JMY: variants seen among roughly 807,000 people sequenced by gnomAD.
JMY encodes the protein junction mediating and regulatory protein, p53 cofactor.
JMY carries 46 observed loss-of-function variants against 103.3 expected under a neutral mutation model. The observed-to-expected ratio is 0.45, with a 90% CI of 0.35 to 0.57. The LOEUF is 0.57. JMY is among the 20% of genes least tolerant of loss of function. JMY has a pLI of 0.00. For missense variants in JMY, 1,238 were observed against 1,255.2 expected (o/e 0.99, Z 0.21); for synonymous variants, 526 against 489.3 (o/e 1.07, Z -0.99).
Position 79,278,086 on chromosome 5 carries a change from AT to A in JMY, c.1206+10del. 2 of 1,604,324 alleles carry A rather than the reference AT, an allele frequency of 1.2e-6. No homozygotes were observed. Among genetic ancestry groups the A allele is most frequent in the Non-Finnish European group, 1.7e-6 (2 of 1,174,254 alleles). The stretch of plus-strand genomic sequence containing the variant: ...TGCTACGAAGACAGCAGATCAAGGT[AT>A]TTTTTTATTAATCCTAACTAGTAGC... On this transcript the variant is annotated splice_donor_region_variant and intron_variant, in intron 2 of 10. Transcript: ENST00000396137.
rs181524606 is a variant in JMY, at chr5:79,241,012, T to G, written c.1032+3330T>G. The stretch of plus-strand genomic sequence containing the variant: ...GGATATGTTAGAATGCTTAGTCCTT[T>G]GGTCACTTACAATACTTAGTCCTTT... On this transcript the variant is annotated intron_variant, in intron 1 of 10. Transcript: ENST00000396137. 1.9e-4 allele frequency among the ~76,000 whole-genome samples: 29 copies of G among 152,364 alleles called. No individual in the cohort carries two copies. The East Asian group carries it at 5.4e-3, about 28-fold the overall frequency.
intron 1 of JMY, among the ~76,000 whole-genome samples, chr5:79,240,156 T>C (rs1174196656): frequency 6.6e-6 from 1 of 150,750 alleles, no homozygotes; most frequent in Non-Finnish European, 1.5e-5. Context: ...GCTGGGATTA[T>C]AGGCGTGTGC....
rs750070238 is a variant in JMY, at chr5:79,316,103, T to C, written c.2763T>C (p.Asp921=). Residue 921 remains aspartate (D), a synonymous_variant, in exon 10 of 11, where the codon GAT becomes GAC. Transcript: ENST00000396137. ...TGCCTCCTTTTCCTGATGAAGATGA[T>C]AGTAATAATATCTTGGCACAAATAA... ...RTLPPFPDED[D]SNNILAQIRK... is the part of the protein sequence containing the mutation. 1 of 1,614,078 alleles carries C rather than the reference T, an allele frequency of 6.2e-7. No individual in the cohort carries two copies. The highest frequency in any genetic ancestry group is 8.5e-7 in the Non-Finnish European group (1 of 1,179,916).
In JMY at chr5:79,236,526, G is replaced by A. The variant is rs887938725; in HGVS notation, c.-125G>A. The stretch of plus-strand genomic sequence containing the variant: ...ACAGGCGAACGAGCCGGGAGAGCCG[G>A]CCGGCGCACTAAGATGGCTGAAGGC... On this transcript the variant is annotated 5_prime_UTR_variant, in exon 1 of 11. Coordinates refer to ENST00000396137, the MANE Select transcript of JMY (RefSeq NM_152405.5). 8.9e-6 allele frequency: 6 copies of A among 673,076 alleles called. No individual in the cohort carries two copies. Among genetic ancestry groups the A allele is most frequent in the Non-Finnish European group, 1.1e-5 (5 of 461,488 alleles). 41.7% of individuals were successfully genotyped at this position (673,076 alleles called of 1,614,324 possible). A position where few individuals can be genotyped will look rare whatever the true frequency, so the allele number is the denominator to read the frequency against.
rs148966628 is a variant in JMY at position 79,314,181 on chromosome 5, G to A, written c.2065-76G>A. On this transcript the variant is annotated intron_variant, in intron 8 of 10. Coordinates refer to ENST00000396137, the MANE Select transcript of JMY (RefSeq NM_152405.5). ...GCCACATAACATCTTTTATTTGAAGGAGAAAATAAATAGGCATGTGCTCAT... is the reference window on the plus strand; with the variant it reads ...GCCACATAACATCTTTTATTTGAAGAAGAAAATAAATAGGCATGTGCTCAT... 905 of 1,523,856 alleles carry A rather than the reference G, an allele frequency of 5.9e-4. 4 individuals are homozygous for A. Among genetic ancestry groups the A allele is most frequent in the African/African-American group, 5.9e-3 (423 of 71,948 alleles). The allele number at this position is 1,523,856 out of a possible 1,614,324, so 94.4% of individuals were successfully genotyped here. A position where few individuals can be genotyped will look rare whatever the true frequency, so the allele number is the denominator to read the frequency against.
chr5:79,300,899 T>G (rs1746715563), intron 6 of JMY, 36 bp downstream of exon 6: 2 of 1,506,686 alleles, frequency 1.3e-6, no homozygotes, highest in Admixed American at 2.1e-5. Flanking sequence ...TATTTAGTCT[T>G]TTATCCGTAT....
chr5:79,320,086 T>A (rs1164509337), intron 10 of JMY, among the ~76,000 whole-genome samples: 1 of 152,174 alleles, frequency 6.6e-6, no homozygotes, highest in Non-Finnish European at 1.5e-5. Flanking sequence ...TTAAAATAAG[T>A]TTCAGGCTGA....
rs374293673 is a variant in JMY at position 79,312,420 on chromosome 5, T to C, written c.1986T>C (p.His662=). ...TTTACCAGAAGAGAGAAAAATTACA[T>C]GATGAAGAAGAAAGAAAAAGTGCCT... is the stretch of plus-strand genomic sequence containing the variant. ...HTVQLKREKL[H]DEEERKSAWV... is the part of the protein sequence containing the mutation. The change falls in exon 8 of 11, where the codon CAT becomes CAC. Residue 662 remains histidine (H), a synonymous_variant. Coordinates refer to ENST00000396137, the MANE Select transcript of JMY (RefSeq NM_152405.5). 4.5e-6 allele frequency: 7 copies of C among 1,571,188 alleles called. No homozygotes were observed. Among genetic ancestry groups the C allele is most frequent in the Non-Finnish European group, 6.0e-6 (7 of 1,161,474 alleles).
chr5:79,300,579 C>A, intron 5 of JMY, 97 bp from the exon 6 acceptor site: 1 of 948,168 alleles, frequency 1.1e-6, no homozygotes, highest in Non-Finnish European at 1.5e-6. Flanking sequence ...ATGGCTTTGC[C>A]TGAGGTTGCA....
chr5:79,253,414 T>C (rs1745148073), intron 1 of JMY, among the ~76,000 whole-genome samples: 1 of 152,058 alleles, frequency 6.6e-6, no homozygotes, highest in Non-Finnish European at 1.5e-5. Flanking sequence ...TGCCTCAGCC[T>C]CCTGAGTAGT....
chr5:79,244,672 T>TG (rs397722786), intron 1 of JMY, among the ~76,000 whole-genome samples: 7 of 151,428 alleles, frequency 4.6e-5, no homozygotes, highest in Non-Finnish European at 1.0e-4. Context: ...TTTTTTTTTT[T>TG]GGTAACGAGA....
intron 10 of JMY, among the ~76,000 whole-genome samples, chr5:79,320,667 G>A (rs1747421737): frequency 1.3e-5 from 2 of 152,132 alleles, no homozygotes; most frequent in African/African-American, 2.4e-5. Context: ...AATATAGTTT[G>A]AGACATGTAA....
intron 2 of JMY, among the ~76,000 whole-genome samples, chr5:79,283,861 C>T (rs2087943286): frequency 6.6e-6 from 1 of 152,164 alleles, no homozygotes; most frequent in East Asian, 1.9e-4. Flanking sequence ...CTGAAGGTTA[C>T]AATTTTTCTG....
At chr5:79,263,684 A>T (rs896589808) in intron 1 of JMY, among the ~76,000 whole-genome samples, 2 of 150,214 alleles carry the variant, frequency 1.3e-5, no homozygotes, top group Non-Finnish European at 2.9e-5. Flanking sequence ...TGGCCACTAA[A>T]ATTTTTTTTT....
At chr5:79,276,621 T>A (rs929326126) in intron 1 of JMY, among the ~76,000 whole-genome samples, 1 of 151,894 alleles carries the variant, frequency 6.6e-6, no homozygotes, top group African/African-American at 2.4e-5. Flanking sequence ...AAATTATTGT[T>A]TTTTTGAGAC....
chr5:79,262,862 C>G (rs1745467013), intron 1 of JMY, among the ~76,000 whole-genome samples: 1 of 152,214 alleles, frequency 6.6e-6, no homozygotes, highest in African/African-American at 2.4e-5. Flanking sequence ...AACTGATATT[C>G]TGTCCTCAGT....
chr5:79,272,188 A>G (rs950953836), intron 1 of JMY, among the ~76,000 whole-genome samples: 7 of 150,216 alleles, frequency 4.7e-5, no homozygotes, highest in Admixed American at 4.6e-4. Flanking sequence ...ACTCTTTGAT[A>G]TTAAAATAGT....
chr5:79,264,724 G>A (rs1745533360), intron 1 of JMY, among the ~76,000 whole-genome samples: 1 of 152,124 alleles, frequency 6.6e-6, no homozygotes, highest in Non-Finnish European at 1.5e-5. Context: ...TTCTAACGCT[G>A]AAGATCATTC....
chr5:79,314,760 T>G lies in JMY; in HGVS notation c.2568T>G (p.Ser856Arg). The G allele has an allele frequency of 6.2e-7, 1 of 1,613,258 alleles. No homozygotes were observed. Among genetic ancestry groups the G allele is most frequent in the Non-Finnish European group, 8.5e-7 (1 of 1,179,858 alleles). ...AGAAGAGGATCCCAAAGTCAGCCAG[T>G]GCCCCCTCAGCACACCTCTTTGACA... is the stretch of plus-strand genomic sequence containing the variant. ...GNEKRIPKSA[S>R]APSAHLFDSS... The change falls in exon 9 of 11, where the codon AGT becomes AGG. Residue 856 changes from serine (S) to arginine (R), a missense_variant. Coordinates refer to ENST00000396137, the MANE Select transcript of JMY (RefSeq NM_152405.5).
Sources: allele counts gnomAD v4.1 joint callset (sites outside exome capture counted in the v4.1 genomes callset), GRCh38; gene constraint gnomAD v4.1.1; transcripts MANE v1.5; gene names NCBI Gene and HGNC (gene_info 2026-07-23, HGNC 2026-07-21).